NEO1: variants seen among roughly 807,000 people sequenced by gnomAD.
NEO1 encodes the protein neogenin.
A neutral mutation model predicts 159.7 loss-of-function variants in NEO1; 63 were observed. The observed-to-expected ratio is 0.39, with a 90% CI of 0.32 to 0.49. The LOEUF is 0.49. Among genes scored for constraint, NEO1 ranks in the 20% least tolerant of loss-of-function variants. NEO1 has a pLI of 0.85. For synonymous variants in NEO1, 633 were observed against 662.0 expected (o/e 0.96, Z 0.67); for missense variants, 1,615 against 1,831.0 (o/e 0.88, Z 2.15).
At chr15:73,189,620 A>T (rs1464189694) in intron 7 of NEO1, among the ~76,000 whole-genome samples, 2 of 152,196 alleles carry the variant, frequency 1.3e-5, no homozygotes, top group Non-Finnish European at 2.9e-5. Flanking sequence ...TCTGATTCCC[A>T]CCTGAAGTGT....
At chr15:73,257,628 A>G (rs1400323987) in intron 13 of NEO1, among the ~76,000 whole-genome samples, 1 of 152,238 alleles carries the variant, frequency 6.6e-6, no homozygotes, top group Non-Finnish European at 1.5e-5. Context: ...AGCACTAAAC[A>G]GATCTTGCCA....
chr15:73,071,530 G>T (rs2068532273), intron 1 of NEO1, among the ~76,000 whole-genome samples: 1 of 151,712 alleles, frequency 6.6e-6, no homozygotes, highest in Admixed American at 6.6e-5. Context: ...TTGTTTGTTT[G>T]TTTGTTTGTT....
intron 27 of NEO1, chr15:73,299,917 A>G (rs2042547724): frequency 2.6e-5 from 4 of 152,326 alleles, no homozygotes; most frequent in South Asian, 2.1e-4. Context: ...AATTGTGGAT[A>G]TTCTTTTTTG....
intron 21 of NEO1, among the ~76,000 whole-genome samples, chr15:73,276,976 T>C (rs1028946655): frequency 3.3e-5 from 5 of 152,166 alleles, no homozygotes; most frequent in African/African-American, 1.2e-4. Flanking sequence ...CTACTATGTG[T>C]CAGTCAGTAT....
At chr15:73,265,091 C>G (rs2040824027) in intron 15 of NEO1, among the ~76,000 whole-genome samples, 1 of 152,066 alleles carries the variant, frequency 6.6e-6, no homozygotes, top group Admixed American at 6.6e-5. Flanking sequence ...CGAGAAGGCC[C>G]TGTGTTGGAG....
intron 7 of NEO1, among the ~76,000 whole-genome samples, chr15:73,208,350 A>G (rs1482102257): frequency 6.6e-6 from 1 of 152,254 alleles, no homozygotes; most frequent in East Asian, 1.9e-4. Context: ...AGAAAATTAC[A>G]GAATTTTGGA....
intron 15 of NEO1, among the ~76,000 whole-genome samples, chr15:73,264,224 C>T (rs757468322): frequency 2.0e-5 from 3 of 152,096 alleles, no homozygotes; most frequent in Non-Finnish European, 4.4e-5. Flanking sequence ...TGACCAGCTT[C>T]ATACTGTTTC....
Position 73,258,839 on chromosome 15 carries a change from C to T in NEO1, c.2166C>T (p.Asp722=). Residue 722 remains aspartate, a synonymous_variant, in exon 14 of 29, where the codon GAC becomes GAT. Transcript: ENST00000261908. The stretch of plus-strand genomic sequence containing the variant: ...TCAATGGTACAGGCCCGGCAACTGA[C>T]TGGCTGTCTGCTGAAACTTTTGAAA... ...LTINGTGPAT[D]WLSAETFESD... is the part of the protein sequence containing the mutation. The T allele has an allele frequency of 6.2e-7, 1 of 1,613,928 alleles. No homozygotes were observed. The highest frequency in any genetic ancestry group is 8.5e-7 in the Non-Finnish European group (1 of 1,179,876).
intron 21 of NEO1, among the ~76,000 whole-genome samples, chr15:73,276,213 C>T (rs1171819124): frequency 6.6e-6 from 1 of 152,148 alleles, no homozygotes; most frequent in African/African-American, 2.4e-5. Flanking sequence ...TTTTGGTGCT[C>T]AGTTCATCCT....
At chr15:73,100,901 A>G (rs1159757403) in intron 1 of NEO1, among the ~76,000 whole-genome samples, 3 of 151,794 alleles carry the variant, frequency 2.0e-5, no homozygotes, top group Non-Finnish European at 1.5e-5. Flanking sequence ...TCCCAACACC[A>G]CCACCCTTCT....
At chr15:73,273,727 G>T (rs1457366023) in intron 19 of NEO1, 84 bp from the exon 20 acceptor site, 4 of 897,814 alleles carry the variant, frequency 4.5e-6, no homozygotes, top group African/African-American at 3.4e-5. Flanking sequence ...ATATTCATAT[G>T]ATATAATAGG....
chr15:73,076,854 A>G (rs2068791479), intron 1 of NEO1, among the ~76,000 whole-genome samples: 1 of 152,112 alleles, frequency 6.6e-6, no homozygotes, highest in Admixed American at 6.5e-5. Context: ...TAGAAGGATC[A>G]TGTTTTGGTT....
intron 28 of NEO1, 133 bp downstream of exon 28, chr15:73,301,590 A>G (rs763111247): frequency 5.1e-6 from 6 of 1,173,360 alleles, no homozygotes; most frequent in Non-Finnish European, 6.0e-6. Context: ...ACACTCATTC[A>G]TTCAGTAGAT....
chr15:73,293,935 G>GGGTAGGTCC (rs1397957478), intron 26 of NEO1, among the ~76,000 whole-genome samples: 1 of 152,110 alleles, frequency 6.6e-6, no homozygotes, highest in Non-Finnish European at 1.5e-5. Flanking sequence ...CTGTAACATT[G>GGGTAGGTCC]GGTAGGTCCA....
chr15:73,112,525 C>T (rs1157774608), intron 1 of NEO1, among the ~76,000 whole-genome samples: 1 of 152,014 alleles, frequency 6.6e-6, no homozygotes, highest in Non-Finnish European at 1.5e-5. Flanking sequence ...CCAGGATTAT[C>T]CTTGTATTTT....
intron 5 of NEO1, among the ~76,000 whole-genome samples, chr15:73,146,575 G>C (rs1158671408): frequency 6.6e-6 from 1 of 152,144 alleles, no homozygotes; most frequent in Non-Finnish European, 1.5e-5. Flanking sequence ...TTAGCTTTGA[G>C]ATAAATTCCA....
At chr15:73,241,148 C>A (rs1389236339) in intron 8 of NEO1, among the ~76,000 whole-genome samples, 1 of 152,144 alleles carries the variant, frequency 6.6e-6, no homozygotes, top group African/African-American at 2.4e-5. Context: ...GAGGGTCCTT[C>A]CTCTCTGCCT....
chr15:73,111,909 A>G (rs988017545), intron 1 of NEO1, among the ~76,000 whole-genome samples: 1 of 152,190 alleles, frequency 6.6e-6, no homozygotes, highest in African/African-American at 2.4e-5. Context: ...TGCTGGGATT[A>G]CAAGGGTGAG....
chr15:73,187,691 A>T (rs141577992), intron 7 of NEO1, among the ~76,000 whole-genome samples: 59 of 152,334 alleles, frequency 3.9e-4, no homozygotes, highest in Non-Finnish European at 7.2e-4. Context: ...AACTTTATAT[A>T]CAAAAGCAGG....
Sources: gnomAD v4.1 joint callset for allele counts (sites outside exome capture counted in the v4.1 genomes callset) on GRCh38, gnomAD v4.1.1 for gene constraint, MANE v1.5 for transcripts, NCBI Gene and HGNC (gene_info 2026-07-23, HGNC 2026-07-21) for gene names.